Variants in CFAP47 observed in about 807,000 individuals in gnomAD.
CFAP47 encodes the protein cilia and flagella associated protein 47, also known as cilia- and flagella-associated protein 47.
In CFAP47, 29 loss-of-function variants were observed where a neutral mutation model predicts 148.1. The observed-to-expected ratio is 0.20, with a 90% CI of 0.15 to 0.27. CFAP47 has a LOEUF of 0.27. Ranked by LOEUF, CFAP47 falls within the 10% of genes least tolerant of loss-of-function variation. CFAP47 has a pLI of 1.00. For missense variants in CFAP47, 1,872 were observed against 1,697.5 expected (o/e 1.10, Z -1.81); for synonymous variants, 664 against 577.3 (o/e 1.15, Z -2.15).
intron 32 of CFAP47, among the ~76,000 whole-genome samples, chrX:36,101,083 T>C (rs2146792937): frequency 9.0e-6 from 1 of 111,325 alleles, no homozygotes; most frequent in African/African-American, 3.3e-5. Flanking sequence ...CTATCTTTCT[T>C]GCTGAATGTA....
chrX:35,967,531 G>T (rs919265155), intron 9 of CFAP47, 88 bp from the exon 10 acceptor site: 1 of 614,740 alleles, frequency 1.6e-6, no homozygotes, highest in South Asian at 3.2e-5. Flanking sequence ...AGAATCAATT[G>T]TCTAGTGTAT....
chrX:36,084,483 G>A (rs1026003267), intron 29 of CFAP47, among the ~76,000 whole-genome samples: 6 of 111,299 alleles, frequency 5.4e-5, no homozygotes, highest in African/African-American at 2.0e-4. Context: ...CCAGTGGAAC[G>A]TATTTTCTTC....
intron 10 of CFAP47, among the ~76,000 whole-genome samples, chrX:35,970,189 T>C (rs1936468797): frequency 9.1e-6 from 1 of 109,779 alleles, no homozygotes; most frequent in Non-Finnish European, 1.9e-5. Context: ...ATTGAAAATA[T>C]ATGGTGGGTA....
rs1295692081 is a variant in CFAP47 at position 36,383,837 on chromosome X, G to A, written c.9355-960G>A. On this transcript the variant is annotated intron_variant, in intron 63 of 63. Transcript: ENST00000378653. ...AATGAGTTTTCTGAGTATACGTGGT[G>A]TAAATCTTAATGTTAGGAGGACACC... Among the ~76,000 whole-genome samples the A allele has an allele frequency of 2.7e-5, 3 of 111,754 alleles. No homozygotes were observed. The Admixed American group carries it at 2.9e-4, about 11-fold the overall frequency.
chrX:36,211,280 A>G, intron 45 of CFAP47: 1 of 246,777 alleles, frequency 4.1e-6, no homozygotes. Flanking sequence ...TCTGTTAAAG[A>G]GAAAGGAAAA....
chrX:36,116,770 A>G (rs959165848), intron 33 of CFAP47, among the ~76,000 whole-genome samples: 5 of 111,809 alleles, frequency 4.5e-5, no homozygotes, highest in African/African-American at 1.6e-4. Flanking sequence ...ATATTCTTAG[A>G]GTTATTTCTA....
Position 35,956,116 on chromosome X carries a change from C to T in CFAP47, c.1330C>T (p.Pro444Ser), listed in dbSNP as rs1338138613. The change falls in exon 8 of 64, where the codon CCT (proline) becomes TCT (serine). Residue 444 changes from proline (P) to serine (S), a missense_variant. Pro to Ser is a moderately conservative substitution (Grantham distance 74). Transcript: ENST00000378653. ...CIIKNQCELL[P>S]VTYHFKKTAN... ...CATAAAAAATCAATGCGAATTACTTCCTGTGACGTACCACTTTAAAAAAAC... is the reference window on the plus strand; with the variant it reads ...CATAAAAAATCAATGCGAATTACTTTCTGTGACGTACCACTTTAAAAAAAC... 8.3e-7 allele frequency: 1 copy of T among 1,211,160 alleles called. No individual in the cohort carries two copies. The highest frequency in any genetic ancestry group is 1.1e-6 in the Non-Finnish European group (1 of 895,201).
At chrX:35,925,075 T>A (rs1935716062) in intron 1 of CFAP47, among the ~76,000 whole-genome samples, 1 of 111,503 alleles carries the variant, frequency 9.0e-6, no homozygotes, top group African/African-American at 3.3e-5. Flanking sequence ...CTATAGTTAA[T>A]AATAAAGTAT....
In CFAP47 at chrX:36,039,220, C is replaced by CT. The variant is rs1350234003; in HGVS notation, c.4007+47dup. The CT allele has an allele frequency of 2.1e-5, 15 of 703,462 alleles. No individual in the cohort carries two copies. The African/African-American group carries it at 3.5e-4, about 16-fold the overall frequency. 58.0% of individuals were successfully genotyped at this position (703,462 alleles called of 1,213,427 possible). Reference sequence around the variant, plus strand: ...GAATTTACCACATTTTCTTTATGTGCTTTTTTGTTTGTTTCTGTGTTATAT... The same window carrying CT: ...GAATTTACCACATTTTCTTTATGTGCTTTTTTTGTTTGTTTCTGTGTTATAT... On this transcript the variant is annotated intron_variant, in intron 25 of 63. Transcript: ENST00000378653.
intron 22 of CFAP47, among the ~76,000 whole-genome samples, chrX:36,018,038 C>T (rs1172519175): frequency 9.0e-6 from 1 of 110,595 alleles, no homozygotes; most frequent in Admixed American, 9.6e-5. Context: ...TCTTCAATTT[C>T]TTTCATTAAT....
chrX:35,960,384 A>G (rs1161339136), intron 8 of CFAP47, among the ~76,000 whole-genome samples: 2 of 93,793 alleles, frequency 2.1e-5, no homozygotes, highest in African/African-American at 8.8e-5. Flanking sequence ...ATTTCTGAAA[A>G]AAAAAAAAAA....
intron 29 of CFAP47, among the ~76,000 whole-genome samples, chrX:36,083,408 G>A (rs745579272): frequency 9.0e-6 from 1 of 110,586 alleles, no homozygotes; most frequent in South Asian, 3.8e-4. Context: ...TTGAGCTGCT[G>A]GCAAGCTCAC....
chrX:36,178,259 A>G (rs1939709842), intron 39 of CFAP47, among the ~76,000 whole-genome samples: 1 of 111,138 alleles, frequency 9.0e-6, no homozygotes, highest in South Asian at 3.8e-4. Flanking sequence ...AATGAGATCA[A>G]TTATACCCCA....
At position 35,975,655 on chromosome X, in the gene CFAP47, C is replaced by G. The variant is rs1208465083; in HGVS notation, c.2472-17C>G. On this transcript the variant is annotated splice_polypyrimidine_tract_variant and intron_variant, in intron 14 of 63. Transcript: ENST00000378653. ...AACTATTATCAGTTAAATTTGGATG[C>G]TTTTGCTGCATTACAGGTCTTTCAC... is the stretch of plus-strand genomic sequence containing the variant. The G allele has an allele frequency of 5.0e-6, 6 of 1,205,027 alleles. No individual in the cohort carries two copies. Among genetic ancestry groups the G allele is most frequent in the Non-Finnish European group, 6.7e-6 (6 of 891,356 alleles).
At chrX:36,290,441 A>G (rs782166169) in intron 51 of CFAP47, among the ~76,000 whole-genome samples, 40 of 112,228 alleles carry the variant, frequency 3.6e-4, no homozygotes, top group Admixed American at 3.1e-3. Context: ...AGTGTGATAA[A>G]CAGCTGATTT....
intron 3 of CFAP47, 142 bp downstream of exon 3, chrX:35,941,540 G>A (rs75297994): frequency 5.9e-6 from 2 of 341,349 alleles, no homozygotes; most frequent in Non-Finnish European, 1.0e-5. Context: ...GTCCTTAATA[G>A]TATTACTGTA....
intron 15 of CFAP47, among the ~76,000 whole-genome samples, chrX:35,987,320 A>C (rs903308272): frequency 9.0e-6 from 1 of 111,662 alleles, no homozygotes; most frequent in Non-Finnish European, 1.9e-5. Context: ...GAGAGGAAGA[A>C]TCTAGAGAGG....
intron 25 of CFAP47, among the ~76,000 whole-genome samples, chrX:36,041,387 A>G (rs922186438): frequency 8.9e-5 from 10 of 111,979 alleles, no homozygotes; most frequent in Non-Finnish European, 1.3e-4. Flanking sequence ...TGAAAGTTGT[A>G]GAAGTATATA....
At position 36,141,059 on chromosome X, in the gene CFAP47, A is replaced by ATTT. The variant is rs34667862; in HGVS notation, c.5535+2610_5535+2612dup. 1.6e-3 allele frequency among the ~76,000 whole-genome samples: 145 copies of ATTT among 91,887 alleles called. 1 individual carries two copies. Among genetic ancestry groups the ATTT allele is most frequent in the African/African-American group, 6.3e-3 (138 of 22,036 alleles). The allele number at this position is 91,887 out of a possible 115,157, so 79.8% of individuals were successfully genotyped here. ...ATAGATATTCTAATTTTGTCCTTAAATTTTTTTTTTTTTTTTTAATCACTT... is the reference window on the plus strand; with the variant it reads ...ATAGATATTCTAATTTTGTCCTTAAATTTTTTTTTTTTTTTTTTTTAATCACTT... On this transcript the variant is annotated intron_variant, in intron 35 of 63. Coordinates refer to ENST00000378653, the MANE Select transcript of CFAP47 (RefSeq NM_001304548.2).
Sources: allele counts gnomAD v4.1 joint callset (sites outside exome capture counted in the v4.1 genomes callset), GRCh38; gene constraint gnomAD v4.1.1; transcripts MANE v1.5; gene names NCBI Gene and HGNC (gene_info 2026-07-23, HGNC 2026-07-21).